NAALADL2: variants seen among roughly 807,000 people sequenced by gnomAD.
NAALADL2 encodes inactive N-acetylated-alpha-linked acidic dipeptidase-like protein 2.
NAALADL2 carries 76 observed loss-of-function variants against 87.2 expected under a neutral mutation model. The observed-to-expected ratio is 0.87, with a 90% CI of 0.72 to 1.05. NAALADL2 has a LOEUF of 1.05. Among genes scored for constraint, NAALADL2 ranks in the 50% least tolerant of loss-of-function variants. NAALADL2 has a pLI of 0.00. For synonymous variants in NAALADL2, 354 were observed against 331.0 expected, an observed-to-expected ratio of 1.07 and a Z score of -0.75; for missense variants, 1,089 against 945.8, an observed-to-expected ratio of 1.15 and a Z score of -1.99.
intron 3 of NAALADL2, among the ~76,000 whole-genome samples, chr3:174,840,848 G>A (rs1403058327): frequency 2.6e-5 from 4 of 152,088 alleles, no homozygotes; most frequent in Non-Finnish European, 5.9e-5. Context: ...CTTGGGGGAA[G>A]GCTGGATACT....
chr3:175,388,840 G>C (rs2149011749), intron 5 of NAALADL2, among the ~76,000 whole-genome samples: 1 of 152,030 alleles, frequency 6.6e-6, no homozygotes, highest in South Asian at 2.1e-4. Flanking sequence ...CATAATATCA[G>C]TTACTCACTA....
chr3:175,401,357 A>T, intron 5 of NAALADL2, among the ~76,000 whole-genome samples: 1 of 152,102 alleles, frequency 6.6e-6, no homozygotes, highest in East Asian at 1.9e-4. Context: ...CTTACTCAAA[A>T]TGTTAGAATT....
chr3:175,048,921 T>G (rs1755016072), intron 1 of NAALADL2, among the ~76,000 whole-genome samples: 1 of 152,170 alleles, frequency 6.6e-6, no homozygotes, highest in South Asian at 2.1e-4. Flanking sequence ...CTAGATATGT[T>G]GCTTTAGACA....
At chr3:175,035,263 A>G (rs1753274055) in intron 1 of NAALADL2, among the ~76,000 whole-genome samples, 1 of 152,200 alleles carries the variant, frequency 6.6e-6, no homozygotes, top group Non-Finnish European at 1.5e-5. Flanking sequence ...TGTTTTAAGA[A>G]TAAAGTAGAC....
In NAALADL2 at chr3:174,738,314, A is replaced by G. The variant is rs115533133; in HGVS notation, c.-9+568A>G. 3.9e-3 allele frequency among the ~76,000 whole-genome samples: 596 copies of G among 152,342 alleles called. 1 individual carries two copies. The highest frequency in any genetic ancestry group is 0.014 in the African/African-American group (570 of 41,582). ...TAATGGAAAGGCACAAAATAATAAC[A>G]TAGAACCAAGAGCTGAGACATTTGA... is the stretch of plus-strand genomic sequence containing the variant. On this transcript the variant is annotated intron_variant, in intron 3 of 3. Transcript: ENST00000434257.
Position 175,637,635 on chromosome 3 carries a change from T to C in NAALADL2, c.1896+10249T>C, listed in dbSNP as rs1466472999. 2.0e-5 allele frequency among the ~76,000 whole-genome samples: 3 copies of C among 152,316 alleles called. No homozygotes were observed. The East Asian group carries it at 5.8e-4, about 29-fold the overall frequency. On this transcript the variant is annotated intron_variant, in intron 11 of 13. Coordinates refer to ENST00000454872, the MANE Select transcript of NAALADL2 (RefSeq NM_207015.3). ...CACCATGTGATCTCTGCACATGCCATCTGCTCTTTGCCTTCTTCCATGAGT... is the reference window on the plus strand; with the variant it reads ...CACCATGTGATCTCTGCACATGCCACCTGCTCTTTGCCTTCTTCCATGAGT...
At chr3:175,533,179 T>C (rs1427672860) in intron 9 of NAALADL2, among the ~76,000 whole-genome samples, 2 of 152,228 alleles carry the variant, frequency 1.3e-5, no homozygotes, top group African/African-American at 4.8e-5. Context: ...TCCAACTCTA[T>C]GTTCCTTCCA....
chr3:175,734,794 T>C (rs1744278697), intron 11 of NAALADL2, among the ~76,000 whole-genome samples: 1 of 152,120 alleles, frequency 6.6e-6, no homozygotes, highest in Non-Finnish European at 1.5e-5. Flanking sequence ...CCCATGAAAC[T>C]ATTTTTTCCT....
At chr3:175,465,463 T>C (rs1413773239) in intron 7 of NAALADL2, among the ~76,000 whole-genome samples, 1 of 147,198 alleles carries the variant, frequency 6.8e-6, no homozygotes, top group African/African-American at 2.5e-5. Flanking sequence ...ATGTATACCA[T>C]GAATTAAATC....
At chr3:175,565,330 A>C (rs949925572) in intron 9 of NAALADL2, among the ~76,000 whole-genome samples, 6 of 152,216 alleles carry the variant, frequency 3.9e-5, no homozygotes, top group African/African-American at 1.4e-4. Context: ...TCCTTATATA[A>C]TTGCCTCCTT....
chr3:175,656,770 G>A (rs907313401), intron 11 of NAALADL2, among the ~76,000 whole-genome samples: 1 of 151,682 alleles, frequency 6.6e-6, no homozygotes, highest in Non-Finnish European at 1.5e-5. Flanking sequence ...GCGAGGGGGA[G>A]TAACCAAATT....
At chr3:175,436,562 A>G (rs1163529184) in intron 5 of NAALADL2, among the ~76,000 whole-genome samples, 1 of 147,170 alleles carries the variant, frequency 6.8e-6, no homozygotes, top group Non-Finnish European at 1.5e-5. Flanking sequence ...GTGAGATGGT[A>G]TCTTATAGTG....
Position 175,293,036 on chromosome 3 carries a change from CAAAA to C in NAALADL2, c.940-31115_940-31112del, listed in dbSNP as rs568981496. ...TGGGTGACAGAGCGAGACTCCGTCT[CAAAA>C]AAAAAAAAAAAAAAAAAAAAAAAGG... On this transcript the variant is annotated intron_variant, in intron 4 of 13. Coordinates refer to ENST00000454872, the MANE Select transcript of NAALADL2 (RefSeq NM_207015.3). 8.4e-3 allele frequency among the ~76,000 whole-genome samples: 415 copies of C among 49,362 alleles called. 1 individual carries two copies. The highest frequency in any genetic ancestry group is 0.025 in the African/African-American group (386 of 15,670). 32.4% of individuals were successfully genotyped at this position (49,362 alleles called of 152,430 possible).
At chr3:175,067,852 A>G (rs560943820) in intron 1 of NAALADL2, among the ~76,000 whole-genome samples, 17 of 152,278 alleles carry the variant, frequency 1.1e-4, no homozygotes, top group South Asian at 4.1e-4. Context: ...GTGCCTATCA[A>G]TGGTAGATAG....
intron 2 of NAALADL2, among the ~76,000 whole-genome samples, chr3:174,560,034 G>T (rs1713393178): frequency 6.6e-6 from 1 of 152,116 alleles, no homozygotes; most frequent in Non-Finnish European, 1.5e-5. Context: ...TATAATTTCA[G>T]AAATAATTTT....
intron 2 of NAALADL2, among the ~76,000 whole-genome samples, chr3:174,581,346 A>G (rs1406620753): frequency 6.6e-6 from 1 of 152,166 alleles, no homozygotes; most frequent in East Asian, 1.9e-4. Flanking sequence ...GGGTGGGGTC[A>G]GGGAAGACTT....
chr3:174,585,062 T>G (rs188318154), intron 2 of NAALADL2, among the ~76,000 whole-genome samples: 1 of 152,220 alleles, frequency 6.6e-6, no homozygotes. Context: ...TCTGTATATA[T>G]AAGAATAACA....
intron 1 of NAALADL2, among the ~76,000 whole-genome samples, chr3:174,502,810 C>A (rs569280331): frequency 2.0e-5 from 3 of 152,104 alleles, no homozygotes; most frequent in African/African-American, 7.2e-5. Context: ...GTGGGTGGAT[C>A]ATGAGGTCAG....
chr3:175,135,019 A>G (rs1461269), intron 2 of NAALADL2, among the ~76,000 whole-genome samples: 24,481 of 152,122 alleles, frequency 0.16, 4,980 homozygotes, highest in African/African-American at 0.48. Context: ...TTTTACTTTT[A>G]TTATCGGAGA....
Sources: allele counts gnomAD v4.1 joint callset (sites outside exome capture counted in the v4.1 genomes callset), GRCh38; gene constraint gnomAD v4.1.1; transcripts MANE v1.5; gene names NCBI Gene and HGNC (gene_info 2026-07-23, HGNC 2026-07-21).